CNTNAP2: variants seen among roughly 807,000 people sequenced by gnomAD.
CNTNAP2 encodes the protein contactin-associated protein-like 2.
A neutral mutation model predicts 155.2 loss-of-function variants in CNTNAP2; 98 were observed. That is an observed-to-expected ratio of 0.63 (90% CI 0.54 to 0.75). CNTNAP2 has a LOEUF of 0.75. Ranked by LOEUF, CNTNAP2 falls within the 30% of genes least tolerant of loss-of-function variation. CNTNAP2 has a pLI of 0.00. For missense variants in CNTNAP2, 1,727 were observed against 1,688.1 expected (o/e 1.02, Z -0.40); for synonymous variants, 651 against 631.2 (o/e 1.03, Z -0.47).
chr7:147,494,131 C>G (rs1798654162), intron 11 of CNTNAP2, among the ~76,000 whole-genome samples: 1 of 152,146 alleles, frequency 6.6e-6, no homozygotes, highest in African/African-American at 2.4e-5. Context: ...ATCCCAGCAG[C>G]TCCTTTACTC....
chr7:146,760,757 C>A (rs949240065), intron 1 of CNTNAP2, among the ~76,000 whole-genome samples: 1 of 151,780 alleles, frequency 6.6e-6, no homozygotes, highest in African/African-American at 2.4e-5. Flanking sequence ...TAATAGTGTC[C>A]AAGTTTCTAG....
At chr7:147,083,541 T>TATATATATGTATATATATATACAC (rs1800186749) in intron 4 of CNTNAP2, among the ~76,000 whole-genome samples, 2 of 129,218 alleles carry the variant, frequency 1.5e-5, no homozygotes, top group African/African-American at 7.4e-5. Flanking sequence ...TATATACATA[T>TATATATATGTATATATATATACAC]ATATATATGT....
intron 1 of CNTNAP2, among the ~76,000 whole-genome samples, chr7:146,648,566 TA>T (rs1799854695): frequency 6.6e-6 from 1 of 152,136 alleles, no homozygotes; most frequent in African/African-American, 2.4e-5. Flanking sequence ...ATTTTGAGTC[TA>T]AGAGACCAAA....
At chr7:147,062,285 T>A (rs1184196801) in intron 4 of CNTNAP2, among the ~76,000 whole-genome samples, 1 of 151,874 alleles carries the variant, frequency 6.6e-6, no homozygotes, top group East Asian at 1.9e-4. Context: ...GATTTATATG[T>A]CACAATTTAT....
At chr7:146,455,320 A>G (rs184429038) in intron 1 of CNTNAP2, among the ~76,000 whole-genome samples, 463 of 152,306 alleles carry the variant, frequency 3.0e-3, no homozygotes, top group Middle Eastern at 0.01. Context: ...AAGTCATTTT[A>G]ATCCTGCATT....
intron 17 of CNTNAP2, among the ~76,000 whole-genome samples, chr7:148,162,848 T>G (rs1243057994): frequency 6.6e-6 from 1 of 151,488 alleles, no homozygotes; most frequent in African/African-American, 2.4e-5. Context: ...AAAATTTTTT[T>G]AATTAACCAG....
At chr7:147,720,233 G>C (rs1796544357) in intron 13 of CNTNAP2, among the ~76,000 whole-genome samples, 1 of 152,024 alleles carries the variant, frequency 6.6e-6, no homozygotes. Context: ...GAGCATTTAT[G>C]GTATACAAAC....
At chr7:146,595,474 AAAGCTTAT>A (rs1798846601) in intron 1 of CNTNAP2, among the ~76,000 whole-genome samples, 1 of 152,108 alleles carries the variant, frequency 6.6e-6, no homozygotes. Context: ...TGAAGAACTT[AAAGCTTAT>A]ACCTCCAGTG....
chr7:148,288,799 T>A (rs1222035546), intron 21 of CNTNAP2, among the ~76,000 whole-genome samples: 3 of 152,080 alleles, frequency 2.0e-5, no homozygotes, highest in Non-Finnish European at 4.4e-5. Flanking sequence ...GAGAAGTGAC[T>A]CATAAGCCAC....
intron 1 of CNTNAP2, among the ~76,000 whole-genome samples, chr7:146,708,513 C>T (rs934348109): frequency 2.7e-5 from 4 of 147,014 alleles, no homozygotes; most frequent in African/African-American, 1.0e-4. Flanking sequence ...GTGCTATTTC[C>T]AGAACTTATA....
intron 13 of CNTNAP2, among the ~76,000 whole-genome samples, chr7:147,854,029 A>G (rs1479277559): frequency 1.3e-5 from 2 of 152,190 alleles, no homozygotes; most frequent in Non-Finnish European, 2.9e-5. Context: ...TTGCTAGTGG[A>G]AAGTTAACAG....
intron 9 of CNTNAP2, among the ~76,000 whole-genome samples, chr7:147,326,083 C>T (rs753617191): frequency 6.6e-5 from 10 of 152,038 alleles, no homozygotes; most frequent in East Asian, 1.9e-4. Context: ...CCACCACACC[C>T]GGCTAATTGC....
rs1380843777 is a variant in CNTNAP2, at chr7:146,116,897, C to G, written c.21C>G (p.Ala7=). The change falls in exon 1 of 24, where the codon GCC becomes GCG. Residue 7 remains alanine, a synonymous_variant. Coordinates refer to ENST00000361727, the MANE Select transcript of CNTNAP2 (RefSeq NM_014141.6). This position sits in a 1 kb window ranked among gnomAD's most constrained non-coding sequence, Gnocchi z 5.5. The part of the protein sequence containing the change: MQAAPR[A]GCGAALLLWI... Reference sequence around the variant, plus strand: ...GAAGGATGCAGGCGGCTCCGCGCGCCGGCTGCGGGGCAGCGCTCCTGCTGT... The same window carrying G: ...GAAGGATGCAGGCGGCTCCGCGCGCGGGCTGCGGGGCAGCGCTCCTGCTGT... 2 of 1,546,466 alleles carry G rather than the reference C, an allele frequency of 1.3e-6. No homozygotes were observed. Among genetic ancestry groups the G allele is most frequent in the Admixed American group, 2.0e-5 (1 of 51,276 alleles).
At position 147,121,080 on chromosome 7, in the gene CNTNAP2, C is replaced by T. The variant is rs764014323; in HGVS notation, c.856C>T (p.Arg286Trp). ...WHSVVIERQG[R>W]SINLTLDRSM... Reference sequence around the variant, plus strand: ...CTCTGTGGTCATTGAGCGCCAGGGGCGGAGCATTAACCTCACTCTGGACAG... The same window carrying T: ...CTCTGTGGTCATTGAGCGCCAGGGGTGGAGCATTAACCTCACTCTGGACAG... The change falls in exon 6 of 24, where the codon CGG (arginine) becomes TGG (tryptophan). Residue 286 changes from arginine (R) to tryptophan (W), a missense_variant. Physicochemically the swap from Arg to Trp is moderately radical, Grantham distance 101 (BLOSUM62 -3). Transcript: ENST00000361727. The T allele has an allele frequency of 1.8e-5, 29 of 1,613,990 alleles. No individual in the cohort carries two copies. Among genetic ancestry groups the T allele is most frequent in the South Asian group, 4.4e-5 (4 of 91,084 alleles).
At chr7:148,188,380 AAGGGAGGAGCC>A (rs1282850764) in intron 18 of CNTNAP2, among the ~76,000 whole-genome samples, 1 of 152,182 alleles carries the variant, frequency 6.6e-6, no homozygotes, top group Non-Finnish European at 1.5e-5. Flanking sequence ...ATTGAGTTTG[AAGGGAGGAGCC>A]AGGTGTAATT....
chr7:147,930,436 A>G (rs1416015494), intron 14 of CNTNAP2, among the ~76,000 whole-genome samples: 1 of 152,228 alleles, frequency 6.6e-6, no homozygotes, highest in Non-Finnish European at 1.5e-5. Flanking sequence ...GAGTGGCTAT[A>G]CTTAGAATAG....
chr7:146,711,825 G>T, intron 1 of CNTNAP2, among the ~76,000 whole-genome samples: 8 of 112,906 alleles, frequency 7.1e-5, no homozygotes, highest in African/African-American at 2.0e-4. Flanking sequence ...ATACAATATA[G>T]TATACACATC....
intron 13 of CNTNAP2, among the ~76,000 whole-genome samples, chr7:147,763,224 A>G (rs146345548): frequency 6.7e-6 from 1 of 149,662 alleles, no homozygotes; most frequent in African/African-American, 2.5e-5. Context: ...ATGCCATTGC[A>G]CTCCAGCCTG....
chr7:148,375,010 C>G (rs1160525546), intron 21 of CNTNAP2, among the ~76,000 whole-genome samples: 1 of 152,228 alleles, frequency 6.6e-6, no homozygotes, highest in East Asian at 1.9e-4. Flanking sequence ...GACAGGGCAC[C>G]TGAGGCTGAG....
Sources: allele counts gnomAD v4.1 joint callset (sites outside exome capture counted in the v4.1 genomes callset), GRCh38; gene constraint gnomAD v4.1.1; non-coding constraint Gnocchi (gnomAD v3.1); transcripts MANE v1.5; gene names NCBI Gene and HGNC (gene_info 2026-07-23, HGNC 2026-07-21).